FER1L5: variants seen among roughly 807,000 people sequenced by gnomAD.
FER1L5 encodes fer-1 like family member 5.
Under a neutral mutation model 279.9 loss-of-function variants are expected in FER1L5, and 187 were observed. The observed-to-expected ratio is 0.67, with a 90% CI of 0.59 to 0.75. The LOEUF (loss-of-function observed/expected upper bound fraction) is 0.75. FER1L5 is among the 30% of genes least tolerant of loss of function. The pLI is 0.00. For synonymous variants in FER1L5, 921 were observed against 989.7 expected, an observed-to-expected ratio of 0.93 and a Z score of 1.30; for missense variants, 2,091 against 2,594.4, an observed-to-expected ratio of 0.81 and a Z score of 4.21.
intron 1 of FER1L5, among the ~76,000 whole-genome samples, chr2:96,643,494 C>T (rs2074972713): frequency 6.6e-6 from 1 of 152,058 alleles, no homozygotes; most frequent in South Asian, 2.1e-4. Flanking sequence ...GGACTACAGG[C>T]ACATGCCACC....
At position 96,671,106 on chromosome 2, in the gene FER1L5, C is replaced by CAAAAAAAAAAAAAAAAAAAA. The variant is rs750341048; in HGVS notation, c.1491+862_1491+881dup. On this transcript the variant is annotated intron_variant, in intron 18 of 52. Transcript: ENST00000624922. ...TGGGTGACAGAGTGAGACTCCATCT[C>CAAAAAAAAAAAAAAAAAAAA]AAAAAAAAAAAAAAAAAAAAAAGGA... Among the ~76,000 whole-genome samples the CAAAAAAAAAAAAAAAAAAAA allele has an allele frequency of 7.0e-4, 28 of 40,206 alleles. 5 individuals carry two copies. Among genetic ancestry groups the CAAAAAAAAAAAAAAAAAAAA allele is most frequent in the African/African-American group, 1.7e-3 (13 of 7,536 alleles). The allele number at this position is 40,206 out of a possible 152,430, so 26.4% of individuals were successfully genotyped here.
chr2:96,686,054 GC>G lies in FER1L5; in HGVS notation c.2013del (p.Lys672ArgfsTer28), dbSNP rs1283418404. On this transcript the variant is annotated frameshift_variant, in exon 22 of 53. Transcript: ENST00000624922. LOFTEE classifies it high-confidence loss of function. ...ELAQKAKQAK[P>X]KDMVATAEDW... The stretch of plus-strand genomic sequence containing the variant: ...TGGCCCAAAAGGCCAAGCAAGCCAA[GC>G]CCAAGGACATGGTGGCCACAGCGGA... 1.9e-6 allele frequency: 3 copies of G among 1,551,540 alleles called. No individual in the cohort carries two copies. The highest frequency in any genetic ancestry group is 1.7e-6 in the Non-Finnish European group (2 of 1,146,984).
chr2:96,685,441 G>C lies in FER1L5; in HGVS notation c.1895+12G>C. 1 of 1,546,646 alleles carries C rather than the reference G, an allele frequency of 6.5e-7. No individual in the cohort carries two copies. Among genetic ancestry groups the C allele is most frequent in the Non-Finnish European group, 8.7e-7 (1 of 1,144,282 alleles). ...GCAGAGGACTGCAAGTAGGAGTAGG[G>C]GCACTCCGGGATACAGCTGGCCTGG... On this transcript the variant is annotated intron_variant, in intron 21 of 52. Coordinates refer to ENST00000624922, the MANE Select transcript of FER1L5 (RefSeq NM_001293083.2).
chr2:96,690,385 C>T (rs1346976460), intron 26 of FER1L5, 102 bp from the exon 27 acceptor site: 5 of 1,036,442 alleles, frequency 4.8e-6, no homozygotes, highest in Admixed American at 2.0e-5. Flanking sequence ...TGGGAGGCTG[C>T]TGCGGCCACA....
chr2:96,682,734 C>G (rs979267442), intron 19 of FER1L5, among the ~76,000 whole-genome samples: 3 of 152,176 alleles, frequency 2.0e-5, no homozygotes, highest in African/African-American at 7.2e-5. Flanking sequence ...GAGACACGGT[C>G]TCACTCTGTC....
rs533589342 is a variant in FER1L5, at chr2:96,691,885, C to G, written c.3136C>G (p.Leu1046Val). The G allele has an allele frequency of 1.9e-6, 3 of 1,551,528 alleles. No homozygotes were observed. Among genetic ancestry groups the G allele is most frequent in the South Asian group, 2.4e-5 (2 of 84,064 alleles). The stretch of plus-strand genomic sequence containing the variant: ...GGACAGCAAGACATGGCCATGGGGT[C>G]TGGACAGACAGTTCAGGGACCCCCA... ...EEDSKTWPWGLDRQFRDPQRQ... is the reference protein window; with the variant it reads ...EEDSKTWPWGVDRQFRDPQRQ... Residue 1046 changes from leucine to valine, a missense_variant, in exon 30 of 53, where the codon CTG becomes GTG. Coordinates refer to ENST00000624922, the MANE Select transcript of FER1L5 (RefSeq NM_001293083.2). The surrounding 1 kb of genome is among the most constrained non-coding windows in gnomAD (Gnocchi z 6.0).
chr2:96,693,225 T>A (rs1422621615), intron 31 of FER1L5, among the ~76,000 whole-genome samples: 1 of 149,424 alleles, frequency 6.7e-6, no homozygotes, highest in Non-Finnish European at 1.5e-5. Context: ...GCCTCGTCCC[T>A]AGAACTCCTC....
rs1406018830 is a variant in FER1L5, at chr2:96,684,336, AC to A, written c.1681del (p.His561IlefsTer14). The A allele has an allele frequency of 6.4e-7, 1 of 1,551,404 alleles. No homozygotes were observed. The highest frequency in any genetic ancestry group is 8.7e-7 in the Non-Finnish European group (1 of 1,146,904). On this transcript the variant is annotated frameshift_variant, in exon 20 of 53. Coordinates refer to ENST00000624922, the MANE Select transcript of FER1L5 (RefSeq NM_001293083.2). LOFTEE classifies it high-confidence loss of function. ...TGTCTCTGTGTCTCAGGGAACATCT[AC>A]CATTATGTGCCCTGGTACAACACCA... is the stretch of plus-strand genomic sequence containing the variant. ...YSPVIYDGNI[Y>X]HYVPWYNTKP...
rs2077173099 is a variant in FER1L5 at position 96,692,043 on chromosome 2, C to T, written c.3215-61C>T. On this transcript the variant is annotated intron_variant, in intron 30 of 52. Coordinates refer to ENST00000624922, the MANE Select transcript of FER1L5 (RefSeq NM_001293083.2). ...GCGGGGGGGGGGGACAGGGTGGGGGCAGTCAGAGGGAGCCGCTGGGGTCCT... is the reference window on the plus strand; with the variant it reads ...GCGGGGGGGGGGGACAGGGTGGGGGTAGTCAGAGGGAGCCGCTGGGGTCCT... The T allele has an allele frequency of 1.8e-5, 28 of 1,544,404 alleles. No homozygotes were observed. The South Asian group carries it at 3.2e-4, about 18-fold the overall frequency.
intron 14 of FER1L5, among the ~76,000 whole-genome samples, chr2:96,666,070 A>G (rs1457108722): frequency 6.6e-6 from 1 of 151,674 alleles, no homozygotes; most frequent in Non-Finnish European, 1.5e-5. Flanking sequence ...CCCTTTGGAA[A>G]TGCAGCAGGC....
intron 13 of FER1L5, 128 bp downstream of exon 13, chr2:96,662,395 C>A: frequency 2.4e-6 from 2 of 843,938 alleles, no homozygotes; most frequent in Non-Finnish European, 3.8e-6. Flanking sequence ...GAAGTATGCA[C>A]CCCTGCACCT....
At chr2:96,700,260 G>A (rs541382570) in intron 44 of FER1L5, 72 bp from the exon 45 acceptor site, 8 of 1,599,088 alleles carry the variant, frequency 5.0e-6, no homozygotes, top group Non-Finnish European at 6.8e-6. Flanking sequence ...GGTCGGGAGG[G>A]TAAGAGCCTA....
chr2:96,688,803 G>A (rs751401918), intron 24 of FER1L5, among the ~76,000 whole-genome samples: 28 of 151,488 alleles, frequency 1.8e-4, no homozygotes, highest in Non-Finnish European at 2.8e-4. Context: ...CTGCTCCCTC[G>A]TCACTGCAGA....
intron 9 of FER1L5, among the ~76,000 whole-genome samples, chr2:96,656,547 T>C (rs997810289): frequency 1.3e-5 from 2 of 152,152 alleles, no homozygotes; most frequent in Non-Finnish European, 2.9e-5. Flanking sequence ...GGTGAATCAT[T>C]TGAACCCAGA....
At chr2:96,664,137 A>AAGAGAG (rs372715688) in intron 14 of FER1L5, among the ~76,000 whole-genome samples, 4 of 150,848 alleles carry the variant, frequency 2.7e-5, no homozygotes, top group African/African-American at 9.7e-5. Flanking sequence ...GAAAAAAGAA[A>AAGAGAG]AGAGAGAGAG....
chr2:96,703,197 C>CA lies in FER1L5; in HGVS notation c.5543dup (p.His1848GlnfsTer29). 6.2e-7 allele frequency: 1 copy of CA among 1,613,416 alleles called. No homozygotes were observed. The highest frequency in any genetic ancestry group is 8.5e-7 in the Non-Finnish European group (1 of 1,179,594). ...GTCTGACATGCCCCTCCCGGCTCGGCACGCCAAGCAGTGCTCCATCAGGAT... is the reference window on the plus strand; with the variant it reads ...GTCTGACATGCCCCTCCCGGCTCGGCAACGCCAAGCAGTGCTCCATCAGGAT... On this transcript the variant is annotated frameshift_variant, in exon 50 of 53. Transcript: ENST00000624922. LOFTEE classifies it high-confidence loss of function.
rs373397478 is a variant in FER1L5 at position 96,695,908 on chromosome 2, C to T, written c.4057+4C>T. 2.3e-5 allele frequency: 37 copies of T among 1,613,026 alleles called. No individual in the cohort carries two copies. The highest frequency in any genetic ancestry group is 2.8e-5 in the Non-Finnish European group (33 of 1,179,638). ...TATATGCACCCAAAGCTTCCAAGTACGGCCCTTCCTCCGTGCCTTTCCCCA... is the reference window on the plus strand; with the variant it reads ...TATATGCACCCAAAGCTTCCAAGTATGGCCCTTCCTCCGTGCCTTTCCCCA... On this transcript the variant is annotated splice_donor_region_variant and intron_variant, in intron 36 of 52. Coordinates refer to ENST00000624922, the MANE Select transcript of FER1L5 (RefSeq NM_001293083.2).
At chr2:96,683,667 G>A (rs760156848) in intron 19 of FER1L5, among the ~76,000 whole-genome samples, 2 of 152,076 alleles carry the variant, frequency 1.3e-5, no homozygotes, top group Admixed American at 6.6e-5. Flanking sequence ...TCCCATAGTC[G>A]CCAAAGAAAA....
chr2:96,696,016 C>A (rs368131284), intron 36 of FER1L5, 36 bp from the exon 37 acceptor site: 1 of 1,613,540 alleles, frequency 6.2e-7, no homozygotes, highest in Non-Finnish European at 8.5e-7. Context: ...GCCCTCTCCC[C>A]ATCCTGAGAC....
Sources: allele counts gnomAD v4.1 joint callset (sites outside exome capture counted in the v4.1 genomes callset), GRCh38; gene constraint gnomAD v4.1.1; non-coding constraint Gnocchi (gnomAD v3.1); transcripts MANE v1.5; gene names NCBI Gene and HGNC (gene_info 2026-07-23, HGNC 2026-07-21).